The following ADAMTSL1 variants were observed in gnomAD, a reference collection of about 807,000 sequenced individuals.
ADAMTSL1 encodes ADAMTS like 1, also known as ADAMTS-like protein 1.
Under a neutral mutation model 201.8 loss-of-function variants are expected in ADAMTSL1, and 126 were observed. The observed-to-expected ratio is 0.62, with a 90% CI of 0.54 to 0.72. The LOEUF is 0.72. ADAMTSL1 is among the 30% of genes least tolerant of loss of function. The pLI, the probability that ADAMTSL1 is intolerant of heterozygous loss-of-function variation, is 0.00. For missense variants in ADAMTSL1, 2,679 were observed against 2,277.8 expected (o/e 1.18, Z -3.59); for synonymous variants, 1,121 against 903.4 (o/e 1.24, Z -4.32).
intron 1 of ADAMTSL1, among the ~76,000 whole-genome samples, chr9:17,955,406 C>G (rs1453645960): frequency 6.6e-6 from 1 of 152,192 alleles, no homozygotes; most frequent in Non-Finnish European, 1.5e-5. Flanking sequence ...TAGTTCTAAT[C>G]TTACAATTTG....
In ADAMTSL1 at chr9:18,359,243, C is replaced by T. The variant is rs139401603; in HGVS notation, c.208-145586C>T. On this transcript the variant is annotated intron_variant, in intron 2 of 29. Transcript: ENST00000680146. ...TTTGTGTATAAAGATATCCCCTTCCCTCTATCGGGGCCCTTTTGGATCCCT... is the reference window on the plus strand; with the variant it reads ...TTTGTGTATAAAGATATCCCCTTCCTTCTATCGGGGCCCTTTTGGATCCCT... 6.5e-3 allele frequency among the ~76,000 whole-genome samples: 983 copies of T among 152,284 alleles called. 8 individuals carry two copies. Among genetic ancestry groups the T allele is most frequent in the African/African-American group, 0.023 (947 of 41,550 alleles).
At chr9:18,359,959 TA>T (rs1357701542) in intron 2 of ADAMTSL1, among the ~76,000 whole-genome samples, 1 of 152,112 alleles carries the variant, frequency 6.6e-6, no homozygotes, top group East Asian at 1.9e-4. Flanking sequence ...TCTATGGCAA[TA>T]ATACTAATAA....
chr9:18,749,350 G>T (rs766586142), intron 15 of ADAMTSL1, among the ~76,000 whole-genome samples: 4 of 152,124 alleles, frequency 2.6e-5, no homozygotes, highest in Non-Finnish European at 4.4e-5. Flanking sequence ...TACAGTAAGA[G>T]AATTTTACCC....
chr9:18,283,856 G>A (rs994522419), intron 2 of ADAMTSL1, among the ~76,000 whole-genome samples: 23 of 143,370 alleles, frequency 1.6e-4, no homozygotes, highest in African/African-American at 6.0e-4. Flanking sequence ...AGCTTGCAGT[G>A]AGCTGAGATT....
At chr9:17,972,687 GA>G (rs1175602323) in intron 1 of ADAMTSL1, among the ~76,000 whole-genome samples, 1 of 151,252 alleles carries the variant, frequency 6.6e-6, no homozygotes, top group Non-Finnish European at 1.5e-5. Context: ...CCAGTAATGG[GA>G]TGGCTGGGTC....
chr9:18,600,637 C>G (rs1824588131), intron 4 of ADAMTSL1, among the ~76,000 whole-genome samples: 1 of 152,154 alleles, frequency 6.6e-6, no homozygotes, highest in African/African-American at 2.4e-5. Flanking sequence ...CTGCTTTCAT[C>G]TCATCTAGCT....
intron 16 of ADAMTSL1, among the ~76,000 whole-genome samples, chr9:18,768,011 C>A (rs1286375935): frequency 1.3e-5 from 2 of 152,226 alleles, no homozygotes; most frequent in African/African-American, 2.4e-5. Flanking sequence ...TAAATGTTGC[C>A]TCTCAGAAAT....
At chr9:18,595,629 G>A (rs1554712211) in intron 4 of ADAMTSL1, among the ~76,000 whole-genome samples, 1 of 152,190 alleles carries the variant, frequency 6.6e-6, no homozygotes, top group Non-Finnish European at 1.5e-5. Flanking sequence ...CTCTAAGCTG[G>A]GATCTTAGCT....
At chr9:18,323,863 G>A (rs1357456887) in intron 2 of ADAMTSL1, among the ~76,000 whole-genome samples, 1 of 152,142 alleles carries the variant, frequency 6.6e-6, no homozygotes, top group African/African-American at 2.4e-5. Context: ...TGCCATGTAC[G>A]TGGGTTGGAA....
chr9:18,206,713 G>T (rs1829662431), intron 2 of ADAMTSL1, among the ~76,000 whole-genome samples: 1 of 152,116 alleles, frequency 6.6e-6, no homozygotes, highest in Non-Finnish European at 1.5e-5. Flanking sequence ...TTGAGAATAT[G>T]AATTCCTTAT....
Position 18,889,635 on chromosome 9 carries a change from G to T in ADAMTSL1, c.4530G>T (p.Gln1510His). Residue 1510 changes from glutamine (Q) to histidine (H), a missense_variant, in exon 25 of 29, where the codon CAG becomes CAT. Gln to His is a conservative substitution (Grantham distance 24). Coordinates refer to ENST00000380548, the MANE Select transcript of ADAMTSL1 (RefSeq NM_001040272.6). Reference protein sequence around the residue: ...SASCGNRGVQQPRLRCLLNST... With the variant: ...SASCGNRGVQHPRLRCLLNST... ...CCTGTGGTAACCGGGGGGTTCAGCAGCCCCGCTTGAGGTGCCTGCTGAACA... is the reference window on the plus strand; with the variant it reads ...CCTGTGGTAACCGGGGGGTTCAGCATCCCCGCTTGAGGTGCCTGCTGAACA... 3 of 1,613,396 alleles carry T rather than the reference G, an allele frequency of 1.9e-6. No homozygotes were observed. Among genetic ancestry groups the T allele is most frequent in the Middle Eastern group, 1.6e-4 (1 of 6,062 alleles).
In ADAMTSL1 at chr9:18,777,766, G is replaced by C. The variant is rs372395219; in HGVS notation, c.3537G>C (p.Ser1179=). 5.0e-6 allele frequency: 8 copies of C among 1,613,700 alleles called. No homozygotes were observed. The African/African-American group carries it at 6.7e-5, about 13-fold the overall frequency. The change falls in exon 19 of 29, where the codon TCG becomes TCC. Residue 1179 remains serine (S), a synonymous_variant. Transcript: ENST00000380548. The part of the protein sequence containing the change: ...KISAAQQLSA[S]EVVTHLGQTV... ...CAGCGGCCCAGCAGCTCTCAGCCTC[G>C]GAGGTGGTCACCCACCTGGGGCAGA...
At chr9:18,330,185 T>G (rs2132902041) in intron 2 of ADAMTSL1, among the ~76,000 whole-genome samples, 1 of 152,306 alleles carries the variant, frequency 6.6e-6, no homozygotes, top group East Asian at 1.9e-4. Flanking sequence ...TGCAAGGTAG[T>G]TTGGAGGACA....
chr9:18,371,607 G>A (rs977473498), intron 2 of ADAMTSL1, among the ~76,000 whole-genome samples: 5 of 152,168 alleles, frequency 3.3e-5, no homozygotes, highest in African/African-American at 1.2e-4. Flanking sequence ...AACACAAAAG[G>A]ATAGTAAAGT....
At position 18,770,636 on chromosome 9, in the gene ADAMTSL1, G is replaced by C. The variant is rs780529314; in HGVS notation, c.2252G>C (p.Arg751Pro). ...ACGTGTGGCGGGGGTGTTCAGAAAC[G>C]TGAGGTTCTTTGCAAGCAGCGCATG... ...SRTCGGGVQKREVLCKQRMAD... is the reference protein window; with the variant it reads ...SRTCGGGVQKPEVLCKQRMAD... Residue 751 changes from arginine (R) to proline (P), a missense_variant, in exon 17 of 29, where the codon CGT (arginine) becomes CCT (proline). Arg to Pro is a moderately radical substitution (Grantham distance 103). Coordinates refer to ENST00000380548, the MANE Select transcript of ADAMTSL1 (RefSeq NM_001040272.6). 1 of 1,613,330 alleles carries C rather than the reference G, an allele frequency of 6.2e-7. No homozygotes were observed. The highest frequency in any genetic ancestry group is 8.5e-7 in the Non-Finnish European group (1 of 1,179,692).
intron 3 of ADAMTSL1, among the ~76,000 whole-genome samples, chr9:18,560,376 T>A (rs1401445862): frequency 6.6e-6 from 1 of 152,224 alleles, no homozygotes; most frequent in Non-Finnish European, 1.5e-5. Flanking sequence ...TCGTGGTGGA[T>A]AAGCTTTTTG....
intron 15 of ADAMTSL1, chr9:18,723,373 G>C: frequency 2.3e-6 from 1 of 441,276 alleles, no homozygotes; most frequent in Non-Finnish European, 4.2e-6. Flanking sequence ...CAAATGCTGA[G>C]GCAGTGCCGA....
At chr9:18,356,089 C>T (rs1340131057) in intron 2 of ADAMTSL1, among the ~76,000 whole-genome samples, 1 of 152,180 alleles carries the variant, frequency 6.6e-6, no homozygotes, top group African/African-American at 2.4e-5. Flanking sequence ...TAAGAGTGAG[C>T]AAGGCGGGTA....
chr9:18,469,929 C>G (rs565033800), upstream of ADAMTSL1, among the ~76,000 whole-genome samples: 54 of 152,204 alleles, frequency 3.5e-4, no homozygotes, highest in Non-Finnish European at 6.8e-4. Context: ...GGACTGCTAA[C>G]CCATCATTAA....
Sources: gnomAD v4.1 joint callset for allele counts (sites outside exome capture counted in the v4.1 genomes callset) on GRCh38, gnomAD v4.1.1 for gene constraint, MANE v1.5 for transcripts, NCBI Gene and HGNC (gene_info 2026-07-23, HGNC 2026-07-21) for gene names.